The following CFAP91 variants were observed in gnomAD, a reference collection of about 807,000 sequenced individuals.
CFAP91 encodes cilia- and flagella-associated protein 91.
A neutral mutation model predicts 95.9 loss-of-function variants in CFAP91; 85 were observed. The observed-to-expected ratio is 0.89, with a 90% confidence interval of 0.74 to 1.06. The LOEUF (loss-of-function observed/expected upper bound fraction) is 1.06, where lower values mean the gene tolerates loss of function less well. CFAP91 is among the 50% of genes least tolerant of loss of function. CFAP91 has a pLI of 0.00. For synonymous variants in CFAP91, 335 were observed against 327.5 expected (o/e 1.02, Z -0.25); for missense variants, 962 against 943.4 (o/e 1.02, Z -0.26).
At chr3:119,744,218 T>TGTGG in intron 14 of CFAP91, 22 bp downstream of exon 14, 1 of 1,574,518 alleles carries the variant, frequency 6.4e-7, no homozygotes, top group Non-Finnish European at 8.7e-7. Flanking sequence ...CAGCTGGGTG[T>TGTGG]GTGGAAGCTG....
chr3:119,756,946 A>C (rs959508731), intron 17 of CFAP91, among the ~76,000 whole-genome samples: 1 of 152,214 alleles, frequency 6.6e-6, no homozygotes, highest in Non-Finnish European at 1.5e-5. Flanking sequence ...TATTCCAAGT[A>C]AAGTCAGAAT....
chr3:119,760,276 A>G (rs1182881542), intron 17 of CFAP91, among the ~76,000 whole-genome samples: 2 of 151,916 alleles, frequency 1.3e-5, no homozygotes, highest in Admixed American at 6.6e-5. Context: ...AAAAAACTAT[A>G]AAATGAGACC....
chr3:119,764,676 G>T (rs556844090), intron 17 of CFAP91, among the ~76,000 whole-genome samples: 17 of 152,192 alleles, frequency 1.1e-4, no homozygotes, highest in Middle Eastern at 3.4e-3. Flanking sequence ...TTCTGGAAAG[G>T]TCAATAAGAA....
In CFAP91 at chr3:119,703,131, G is replaced by C; in HGVS notation, c.33G>C (p.Gln11His). Residue 11 changes from glutamine to histidine, a missense_variant, in exon 1 of 18, where the codon CAG becomes CAC. Transcript: ENST00000273390. Reference protein sequence around the residue: MSHAVTIEEPQAQPQVSQTRY... With the variant: MSHAVTIEEPHAQPQVSQTRY... ...ACGCAGTAACCATCGAGGAGCCCCA[G>C]GCCCAGCCGCAGGTGTCTCAAACTC... The C allele has an allele frequency of 6.3e-7, 1 of 1,576,020 alleles. No individual in the cohort carries two copies. The highest frequency in any genetic ancestry group is 1.3e-5 in the African/African-American group (1 of 74,306).
At chr3:119,720,033 C>T (rs1235277911) in intron 6 of CFAP91, among the ~76,000 whole-genome samples, 1 of 151,424 alleles carries the variant, frequency 6.6e-6, no homozygotes, top group Non-Finnish European at 1.5e-5. Context: ...CAAGATTGCA[C>T]CACTGTGCTC....
intron 14 of CFAP91, among the ~76,000 whole-genome samples, chr3:119,745,690 A>T (rs965430217): frequency 1.3e-5 from 2 of 152,232 alleles, no homozygotes; most frequent in African/African-American, 4.8e-5. Flanking sequence ...GAGAGCATGA[A>T]TATTGTATAT....
chr3:119,713,607 GT>G (rs1233466199), intron 5 of CFAP91, among the ~76,000 whole-genome samples: 1 of 151,142 alleles, frequency 6.6e-6, no homozygotes, highest in East Asian at 1.9e-4. Flanking sequence ...GGCTATATTG[GT>G]TTTTTTCTTA....
chr3:119,763,619 T>TAA (rs529578202), intron 17 of CFAP91, among the ~76,000 whole-genome samples: 4 of 145,692 alleles, frequency 2.7e-5, no homozygotes, highest in African/African-American at 1.0e-4. Flanking sequence ...TATTCAGCCT[T>TAA]AAAAAAAAAA....
chr3:119,726,379 C>T (rs2053784782), intron 7 of CFAP91, 31 bp downstream of exon 7: 1 of 1,579,120 alleles, frequency 6.3e-7, no homozygotes. Flanking sequence ...ACAACTGTTC[C>T]TGCACTGGTG....
intron 6 of CFAP91, 37 bp downstream of exon 6, chr3:119,715,780 G>A (rs766565946): frequency 4.4e-5 from 70 of 1,583,442 alleles, no homozygotes; most frequent in South Asian, 3.5e-4. Context: ...GGCAGATGAC[G>A]ATGCTGATAA....
Position 119,721,148 on chromosome 3 carries a change from T to C in CFAP91, c.683-5023T>C, listed in dbSNP as rs563204340. On this transcript the variant is annotated intron_variant, in intron 6 of 17. Transcript: ENST00000273390. ...TGCTGTATTTTAAAAGAGTGACTTA[T>C]AACCAGATGGAGTTAATCAGAGAAG... Among the ~76,000 whole-genome samples, 66 of 152,326 alleles carry C rather than the reference T, an allele frequency of 4.3e-4. 1 individual carries two copies. The highest frequency in any genetic ancestry group is 1.5e-3 in the African/African-American group (61 of 41,570).
chr3:119,727,852 A>T (rs2053814055), intron 7 of CFAP91, among the ~76,000 whole-genome samples: 1 of 152,164 alleles, frequency 6.6e-6, no homozygotes, highest in Non-Finnish European at 1.5e-5. Context: ...CATCAGGCAG[A>T]TAGTAGTATC....
chr3:119,733,411 C>T lies in CFAP91; in HGVS notation c.1249C>T (p.Gln417Ter), dbSNP rs752345499. 13 of 1,614,074 alleles carry T rather than the reference C, an allele frequency of 8.1e-6. No homozygotes were observed. The Admixed American group carries it at 2.0e-4, about 25-fold the overall frequency. The change falls in exon 10 of 18, where the codon CAA (glutamine) becomes TAA (stop). Residue 417 changes from glutamine (Q) to a stop codon, truncating the protein, a stop_gained. Transcript: ENST00000273390. LOFTEE classifies it high-confidence loss of function. ...SCLPDFVTQP[Q>*]IRAPKPKVIT... ...TCTCCCAGATTTTGTGACACAACCC[C>T]AAATCAGAGCTCCAAAACCTAAAGT...
In CFAP91 at chr3:119,731,357, CA is replaced by C. The variant is rs765152643; in HGVS notation, c.1019-932del. On this transcript the variant is annotated intron_variant, in intron 8 of 17. Transcript: ENST00000273390. ...TTTTCCAACAAAAACAAAACAATCACAAAAACAAATTATTGCTTAAAATTAT... is the reference window on the plus strand; with the variant it reads ...TTTTCCAACAAAAACAAAACAATCACAAAACAAATTATTGCTTAAAATTAT... 2.6e-4 allele frequency among the ~76,000 whole-genome samples: 40 copies of C among 152,214 alleles called. 1 individual carries two copies. Among genetic ancestry groups the C allele is most frequent in the Admixed American group, 2.6e-3 (40 of 15,288 alleles).
chr3:119,726,364 C>A lies in CFAP91; in HGVS notation c.860+16C>A. On this transcript the variant is annotated intron_variant, in intron 7 of 17. Coordinates refer to ENST00000273390, the MANE Select transcript of CFAP91 (RefSeq NM_033364.4). ...AGATTGAAAAGTAGGTTCTCTATCA[C>A]CCAGACAACTGTTCCTGCACTGGTG... is the stretch of plus-strand genomic sequence containing the variant. The A allele has an allele frequency of 1.3e-6, 2 of 1,599,656 alleles. No individual in the cohort carries two copies. The highest frequency in any genetic ancestry group is 1.7e-6 in the Non-Finnish European group (2 of 1,172,922).
intron 5 of CFAP91, chr3:119,713,087 A>T (rs1176754034): frequency 8.4e-4 from 6 of 7,138 alleles, no homozygotes; most frequent in Admixed American, 9.7e-3. Flanking sequence ...TTTTATTTTT[A>T]TTTATTTATT....
Position 119,715,699 on chromosome 3 carries a change from A to G in CFAP91, c.638A>G (p.Gln213Arg). The G allele has an allele frequency of 1.9e-6, 3 of 1,614,098 alleles. No individual in the cohort carries two copies. The highest frequency in any genetic ancestry group is 2.5e-6 in the Non-Finnish European group (3 of 1,179,946). Reference protein sequence around the residue: ...DPYSAEYVVCQDSIPELLTLA... With the variant: ...DPYSAEYVVCRDSIPELLTLA... ...TACTCTGCAGAATATGTAGTATGTC[A>G]GGACTCAATCCCTGAGCTCTTGACC... The change falls in exon 6 of 18, where the codon CAG becomes CGG. Residue 213 changes from glutamine to arginine, a missense_variant. Coordinates refer to ENST00000273390, the MANE Select transcript of CFAP91 (RefSeq NM_033364.4).
chr3:119,737,392 TC>T lies in CFAP91; in HGVS notation c.1372del (p.Glu459LysfsTer2). The T allele has an allele frequency of 9.3e-6, 15 of 1,605,950 alleles. No individual in the cohort carries two copies. The highest frequency in any genetic ancestry group is 1.3e-5 in the Non-Finnish European group (15 of 1,176,022). Reference sequence around the variant, plus strand: ...CACTGTTGGATAAGAAGAATAAAGTTCTTGAAGTAAAGAAACCCCCTCGCTT... The same window carrying T: ...CACTGTTGGATAAGAAGAATAAAGTTTTGAAGTAAAGAAACCCCCTCGCTT... ...KALLDKKNKV[L>X]EVKKPPRFLQ... On this transcript the variant is annotated frameshift_variant, in exon 11 of 18. Coordinates refer to ENST00000273390, the MANE Select transcript of CFAP91 (RefSeq NM_033364.4). LOFTEE classifies it high-confidence loss of function.
At chr3:119,726,079 A>G in intron 6 of CFAP91, 92 bp from the exon 7 acceptor site, 4 of 1,091,618 alleles carry the variant, frequency 3.7e-6, no homozygotes, top group Non-Finnish European at 3.9e-6. Flanking sequence ...GAATTTGGAG[A>G]AGAGGAAAGG....
Sources: gnomAD v4.1 joint callset for allele counts (sites outside exome capture counted in the v4.1 genomes callset) on GRCh38, gnomAD v4.1.1 for gene constraint, MANE v1.5 for transcripts, NCBI Gene and HGNC (gene_info 2026-07-23, HGNC 2026-07-21) for gene names.